Variants in GPLD1 observed in about 807,000 individuals in gnomAD.
GPLD1 encodes glycosylphosphatidylinositol specific phospholipase D1.
In GPLD1, 84 loss-of-function variants were observed where a neutral mutation model predicts 112.6. The observed-to-expected ratio is 0.75, with a 90% confidence interval of 0.63 to 0.89. GPLD1 has a LOEUF of 0.89. Ranked by LOEUF, GPLD1 falls within the 40% of genes least tolerant of loss-of-function variation. The pLI, the probability that GPLD1 is intolerant of heterozygous loss-of-function variation, is 0.00. For missense variants in GPLD1, 1,044 were observed against 1,051.5 expected (o/e 0.99, Z 0.10); for synonymous variants, 386 against 403.8 (o/e 0.96, Z 0.53).
At chr6:24,434,624 T>C (rs547946924) in intron 22 of GPLD1, among the ~76,000 whole-genome samples, 86 of 151,760 alleles carry the variant, frequency 5.7e-4, no homozygotes, top group African/African-American at 2.0e-3. Flanking sequence ...GATCACGAGG[T>C]CAGGAGATCA....
chr6:24,495,262 T>C, upstream of GPLD1: 1 of 1,532,152 alleles, frequency 6.5e-7, no homozygotes, highest in African/African-American at 1.4e-5. Context: ...GCTCTGGGCA[T>C]GGTAGCCGAC....
At chr6:24,493,250 C>T (rs1561864416), upstream of GPLD1, among the ~76,000 whole-genome samples, 2 of 152,022 alleles carry the variant, frequency 1.3e-5, no homozygotes, top group Admixed American at 6.6e-5. Context: ...CCAAGGAGGG[C>T]GGATAACTTG....
intron 14 of GPLD1, among the ~76,000 whole-genome samples, chr6:24,451,831 T>TG (rs931935826): frequency 2.6e-5 from 4 of 152,188 alleles, no homozygotes; most frequent in African/African-American, 9.7e-5. Context: ...TAAGGTTGCC[T>TG]GGGGACACAA....
intron 20 of GPLD1, among the ~76,000 whole-genome samples, chr6:24,439,425 T>C (rs1729918473): frequency 6.6e-6 from 1 of 152,244 alleles, no homozygotes; most frequent in Admixed American, 6.5e-5. Context: ...TGAATCTATT[T>C]CAGAAATGAT....
rs58480061 is a variant in GPLD1, at chr6:24,440,581, C to CAAAAAAAAAAAAAA, written c.2021-3306_2021-3293dup. On this transcript the variant is annotated intron_variant, in intron 20 of 24. Coordinates refer to ENST00000230036, the MANE Select transcript of GPLD1 (RefSeq NM_001503.4). ...CATTATCAAAAGTGTAAAAAATACTCAAAAAAAAAAAAAAAAGAAGCATAA... is the reference window on the plus strand; with the variant it reads ...CATTATCAAAAGTGTAAAAAATACTCAAAAAAAAAAAAAAAAAAAAAAAAAAAAAAGAAGCATAA... 2.2e-4 allele frequency among the ~76,000 whole-genome samples: 26 copies of CAAAAAAAAAAAAAA among 118,524 alleles called. 1 individual carries two copies. The highest frequency in any genetic ancestry group is 2.8e-4 in the Non-Finnish European group (16 of 56,472). 77.8% of individuals were successfully genotyped at this position (118,524 alleles called of 152,430 possible).
chr6:24,484,007 C>T (rs917004780), intron 2 of GPLD1, among the ~76,000 whole-genome samples: 1 of 152,218 alleles, frequency 6.6e-6, no homozygotes, highest in African/African-American at 2.4e-5. Context: ...GCTCCGCCTC[C>T]CGGGTTCACG....
Position 24,456,249 on chromosome 6 carries a change from A to G in GPLD1, c.1148+249T>C, listed in dbSNP as rs572451544. 2.4e-4 allele frequency among the ~76,000 whole-genome samples: 36 copies of G among 152,134 alleles called. No homozygotes were observed. The South Asian group carries it at 2.7e-3, about 11-fold the overall frequency. ...CCTTGTCTCTACTAAAAATATAAAA[A>G]TTAGCCAGGCATGGTGGCGCGCACC... On this transcript the variant is annotated intron_variant, in intron 13 of 24. Transcript: ENST00000230036.
intron 14 of GPLD1, among the ~76,000 whole-genome samples, chr6:24,453,015 G>A (rs557800766): frequency 4.0e-4 from 61 of 151,328 alleles, no homozygotes; most frequent in Non-Finnish European, 2.5e-4. Context: ...ACCCCCCCAC[G>A]CTCCTCCTTA....
At chr6:24,425,022 C>G (rs547424570), downstream of GPLD1, 1 of 152,232 alleles carries the variant, frequency 6.6e-6, no homozygotes, top group Non-Finnish European at 1.5e-5. Context: ...GGGCTAGACT[C>G]GAGCACGCAG....
At chr6:24,460,694 G>C (rs1262721836) in intron 11 of GPLD1, among the ~76,000 whole-genome samples, 1 of 151,364 alleles carries the variant, frequency 6.6e-6, no homozygotes, top group Non-Finnish European at 1.5e-5. Context: ...AAAAAATTTA[G>C]CAACAGGTAT....
At chr6:24,433,148 C>G (rs1397584988) in intron 24 of GPLD1, 39 bp downstream of exon 24, 2 of 1,403,516 alleles carry the variant, frequency 1.4e-6, no homozygotes, top group Non-Finnish European at 2.0e-6. Context: ...ACCCGTAGTA[C>G]TAACATAAAC....
chr6:24,473,732 G>T, intron 5 of GPLD1, 65 bp from the exon 6 acceptor site: 1 of 1,048,152 alleles, frequency 9.5e-7, no homozygotes, highest in Non-Finnish European at 1.5e-6. Flanking sequence ...TACTTCCACA[G>T]TCAAGCAAGT....
intron 21 of GPLD1, 24 bp from the exon 22 acceptor site, chr6:24,436,760 A>T: frequency 1.6e-5 from 26 of 1,610,820 alleles, no homozygotes; most frequent in Non-Finnish European, 2.2e-5. Flanking sequence ...AAACCGACAG[A>T]AGGAAGTATT....
intron 22 of GPLD1, chr6:24,435,938 G>A (rs1762565863): frequency 6.8e-6 from 1 of 147,834 alleles, no homozygotes; most frequent in South Asian, 2.2e-4. Context: ...GAAACAAAAA[G>A]CAAAAGAGAG....
chr6:24,445,924 C>A (rs371982907), intron 18 of GPLD1, 93 bp from the exon 19 acceptor site: 24 of 847,030 alleles, frequency 2.8e-5, no homozygotes, highest in African/African-American at 2.8e-4. Context: ...CACCTCCCCC[C>A]ATCCAGGCCT....
chr6:24,457,991 G>A (rs2127346576), intron 12 of GPLD1, among the ~76,000 whole-genome samples: 1 of 151,998 alleles, frequency 6.6e-6, no homozygotes, highest in Middle Eastern at 3.4e-3. Context: ...ACAGAATTTG[G>A]GGGACAACAA....
chr6:24,486,447 C>T (rs1391029066), intron 1 of GPLD1, among the ~76,000 whole-genome samples: 1 of 152,146 alleles, frequency 6.6e-6, no homozygotes, highest in Non-Finnish European at 1.5e-5. Flanking sequence ...AAAAAATACC[C>T]ACCGTATAGG....
rs1253976688 is a variant in GPLD1, at chr6:24,426,720, A to C, written c.*2312T>G. Among the ~76,000 whole-genome samples the C allele has an allele frequency of 6.6e-6, 1 of 152,138 alleles. No homozygotes were observed. Among genetic ancestry groups the C allele is most frequent in the Non-Finnish European group, 1.5e-5 (1 of 68,028 alleles). On this transcript the variant is annotated 3_prime_UTR_variant, in exon 25 of 25. Transcript: ENST00000230036. ...AGATGTCAGAGTGCTCTAACTGCTC[A>C]ACTCATAAGTGAATACAACTAAGTA... is the stretch of plus-strand genomic sequence containing the variant.
chr6:24,449,220 G>A (rs1347140770), intron 15 of GPLD1, among the ~76,000 whole-genome samples: 1 of 152,092 alleles, frequency 6.6e-6, no homozygotes, highest in Non-Finnish European at 1.5e-5. Flanking sequence ...TAGAAATGGA[G>A]TGTGAGGAGG....
Sources: allele counts gnomAD v4.1 joint callset (sites outside exome capture counted in the v4.1 genomes callset), GRCh38; gene constraint gnomAD v4.1.1; transcripts MANE v1.5; gene names NCBI Gene and HGNC (gene_info 2026-07-23, HGNC 2026-07-21).